The following XPOT variants were observed in gnomAD, a reference collection of about 807,000 sequenced individuals.
XPOT encodes the protein exportin-T.
Under a neutral mutation model 128.2 loss-of-function variants are expected in XPOT, and 34 were observed. The observed-to-expected ratio is 0.27, with a 90% CI of 0.20 to 0.35. The LOEUF (loss-of-function observed/expected upper bound fraction) is 0.35, where lower values mean the gene tolerates loss of function less well. Ranked by LOEUF, XPOT falls within the 10% of genes least tolerant of loss-of-function variation. The pLI, the probability that XPOT is intolerant of heterozygous loss-of-function variation, is 1.00. For synonymous variants in XPOT, 348 were observed against 394.3 expected, an observed-to-expected ratio of 0.88 and a Z score of 1.39; for missense variants, 838 against 1,125.3, an observed-to-expected ratio of 0.74 and a Z score of 3.65.
intron 1 of XPOT, among the ~76,000 whole-genome samples, chr12:64,406,221 G>T (rs576007432): frequency 2.4e-4 from 36 of 147,502 alleles, no homozygotes; most frequent in Non-Finnish European, 3.7e-4. Context: ...GATTACAGGC[G>T]CAGGCCACCA....
chr12:64,407,557 G>T (rs1448048554), intron 1 of XPOT, among the ~76,000 whole-genome samples: 1 of 152,090 alleles, frequency 6.6e-6, no homozygotes, highest in Non-Finnish European at 1.5e-5. Flanking sequence ...CTTAGGATGG[G>T]GCATGTAATC....
intron 1 of XPOT, among the ~76,000 whole-genome samples, chr12:64,408,934 A>G (rs1445994933): frequency 2.6e-5 from 4 of 152,150 alleles, no homozygotes; most frequent in Admixed American, 6.5e-5. Context: ...CAGCCTCCCA[A>G]AGTTCTCAGA....
intron 22 of XPOT, among the ~76,000 whole-genome samples, chr12:64,438,146 C>T (rs186239431): frequency 6.6e-6 from 1 of 152,300 alleles, no homozygotes; most frequent in East Asian, 1.9e-4. Flanking sequence ...GATGGTATTT[C>T]TACTTCAGAA....
intron 3 of XPOT, among the ~76,000 whole-genome samples, chr12:64,415,722 G>A (rs956514808): frequency 1.3e-5 from 2 of 152,070 alleles, no homozygotes; most frequent in African/African-American, 2.4e-5. Flanking sequence ...ATAATCATTC[G>A]GTGACCAATC....
At chr12:64,415,796 T>G (rs1485663832) in intron 3 of XPOT, among the ~76,000 whole-genome samples, 2 of 152,216 alleles carry the variant, frequency 1.3e-5, no homozygotes, top group Non-Finnish European at 2.9e-5. Context: ...ATTCGTAGGT[T>G]GGTCACACCT....
chr12:64,423,457 C>G (rs1000584817), intron 11 of XPOT, among the ~76,000 whole-genome samples: 5 of 150,676 alleles, frequency 3.3e-5, no homozygotes, highest in Non-Finnish European at 7.4e-5. Flanking sequence ...ACCCCCCCTC[C>G]TTTTTTTTTG....
chr12:64,418,832 T>C, intron 5 of XPOT, 44 bp from the exon 6 acceptor site: 4 of 1,586,128 alleles, frequency 2.5e-6, no homozygotes, highest in Non-Finnish European at 2.6e-6. Flanking sequence ...TCTGGGTCTT[T>C]TCAATTTACA....
chr12:64,434,019 T>C (rs897764995), intron 19 of XPOT, among the ~76,000 whole-genome samples: 8 of 152,174 alleles, frequency 5.3e-5, no homozygotes, highest in African/African-American at 1.9e-4. Context: ...TATTTTTTAA[T>C]TTGATTTGAT....
rs1022126219 is a variant in XPOT at position 64,448,199 on chromosome 12, G to A, written c.*68G>A. 4 of 1,476,200 alleles carry A rather than the reference G, an allele frequency of 2.7e-6. No homozygotes were observed. In the African/African-American group the frequency reaches 5.6e-5, roughly 21 times the overall value. 91.4% of individuals were successfully genotyped at this position (1,476,200 alleles called of 1,614,324 possible). A position where few individuals can be genotyped will look rare whatever the true frequency, so the allele number is the denominator to read the frequency against. Reference sequence around the variant, plus strand: ...GTTAATTTATAAAGAGGCGATTTTTGTGTGCCATTCACACTGGTCTTTTTC... The same window carrying A: ...GTTAATTTATAAAGAGGCGATTTTTATGTGCCATTCACACTGGTCTTTTTC... On this transcript the variant is annotated 3_prime_UTR_variant, in exon 25 of 25. Transcript: ENST00000332707.
At chr12:64,424,759 C>A (rs773599787) in intron 12 of XPOT, 36 bp downstream of exon 12, 1 of 1,607,980 alleles carries the variant, frequency 6.2e-7, no homozygotes, top group South Asian at 1.1e-5. Flanking sequence ...AAGCCTACTT[C>A]TTTCTTTTGC....
chr12:64,420,281 AT>A, intron 7 of XPOT, 27 bp downstream of exon 7: 1 of 1,591,718 alleles, frequency 6.3e-7, no homozygotes, highest in Non-Finnish European at 8.5e-7. Context: ...TTTTTATAGT[AT>A]AAACTTGTAA....
chr12:64,428,194 T>C lies in XPOT; in HGVS notation c.1737+74T>C, dbSNP rs139902021. Reference sequence around the variant, plus strand: ...ACACGTGCCATTAGCCTTGCCTTTGTTGGCATTTAAAAAAAAAAATTGGTG... The same window carrying C: ...ACACGTGCCATTAGCCTTGCCTTTGCTGGCATTTAAAAAAAAAAATTGGTG... On this transcript the variant is annotated intron_variant, in intron 16 of 24. Transcript: ENST00000332707. 5.3e-4 allele frequency: 573 copies of C among 1,079,612 alleles called. 2 individuals carry two copies. In the African/African-American group the frequency reaches 8.4e-3, roughly 16 times the overall value. 66.9% of individuals were successfully genotyped at this position (1,079,612 alleles called of 1,614,324 possible).
chr12:64,411,986 G>A (rs1004909824), intron 2 of XPOT, among the ~76,000 whole-genome samples: 4 of 150,748 alleles, frequency 2.7e-5, no homozygotes, highest in African/African-American at 9.7e-5. Context: ...AAACTTCCAC[G>A]TTATCTCTCC....
At chr12:64,435,698 T>C in intron 22 of XPOT, 24 bp downstream of exon 22, 1 of 1,580,654 alleles carries the variant, frequency 6.3e-7, no homozygotes, top group African/African-American at 1.4e-5. Flanking sequence ...TCCATGCCCC[T>C]TCATTTTCAT....
At chr12:64,426,576 T>C (rs2040194540) in intron 15 of XPOT, among the ~76,000 whole-genome samples, 1 of 152,176 alleles carries the variant, frequency 6.6e-6, no homozygotes, top group African/African-American at 2.4e-5. Flanking sequence ...AAACTTCCTG[T>C]TGGGTACTGT....
intron 9 of XPOT, among the ~76,000 whole-genome samples, chr12:64,421,688 G>C (rs901402956): frequency 3.3e-5 from 5 of 151,066 alleles, no homozygotes; most frequent in African/African-American, 1.2e-4. Flanking sequence ...AGCTTCAGAG[G>C]TAGTTATAGG....
intron 1 of XPOT, among the ~76,000 whole-genome samples, chr12:64,408,861 A>G (rs927507751): frequency 1.3e-5 from 2 of 152,018 alleles, no homozygotes; most frequent in African/African-American, 4.8e-5. Flanking sequence ...TTTAGTAGAA[A>G]CAGGGTTTCA....
At chr12:64,420,773 A>C (rs1426341552) in intron 8 of XPOT, among the ~76,000 whole-genome samples, 1 of 152,076 alleles carries the variant, frequency 6.6e-6, no homozygotes, top group Non-Finnish European at 1.5e-5. Flanking sequence ...TGCTGACACA[A>C]CTTGTTCATA....
rs992176805 is a variant in XPOT, at chr12:64,404,466, AGCGGCGGCGGCGGCTGCG to A, written c.-398_-381del. 79 of 157,900 alleles carry A rather than the reference AGCGGCGGCGGCGGCTGCG, an allele frequency of 5.0e-4. No individual in the cohort carries two copies. Among genetic ancestry groups the A allele is most frequent in the South Asian group, 1.8e-3 (10 of 5,688 alleles). 9.8% of individuals were successfully genotyped at this position (157,900 alleles called of 1,614,324 possible). A position where few individuals can be genotyped will look rare whatever the true frequency, so the allele number is the denominator to read the frequency against. ...CGGGGAGCGCGCTTCGCGCTGACTCAGCGGCGGCGGCGGCTGCGGCGGCGGCGGCGGCGTTAGCCGGCC... is the reference window on the plus strand; with the variant it reads ...CGGGGAGCGCGCTTCGCGCTGACTCAGCGGCGGCGGCGGCGTTAGCCGGCC... On this transcript the variant is annotated 5_prime_UTR_variant, in exon 1 of 25. Coordinates refer to ENST00000332707, the MANE Select transcript of XPOT (RefSeq NM_007235.6).
Sources: gnomAD v4.1 joint callset for allele counts (sites outside exome capture counted in the v4.1 genomes callset) on GRCh38, gnomAD v4.1.1 for gene constraint, MANE v1.5 for transcripts, NCBI Gene and HGNC (gene_info 2026-07-23, HGNC 2026-07-21) for gene names.